ADGRB3: variants seen among roughly 807,000 people sequenced by gnomAD.
ADGRB3 encodes brain-specific angiogenesis inhibitor 3.
A neutral mutation model predicts 193.4 loss-of-function variants in ADGRB3; 37 were observed. The observed-to-expected ratio is 0.19, with a 90% CI of 0.15 to 0.25. The LOEUF is 0.25. Ranked by LOEUF, ADGRB3 falls within the 10% of genes least tolerant of loss-of-function variation. The pLI is 1.00. For missense variants in ADGRB3, 1,637 were observed against 1,852.9 expected (o/e 0.88, Z 2.14); for synonymous variants, 690 against 644.2 (o/e 1.07, Z -1.08).
intron 17 of ADGRB3, among the ~76,000 whole-genome samples, chr6:69,079,462 C>T (rs1443177322): frequency 1.3e-5 from 2 of 151,980 alleles, no homozygotes; most frequent in African/African-American, 4.8e-5. Context: ...AACCTACAGC[C>T]AATATCATAC....
In ADGRB3 at chr6:69,092,018, C is replaced by G. The variant is rs116791177; in HGVS notation, c.2480+15980C>G. On this transcript the variant is annotated intron_variant, in intron 17 of 31. Coordinates refer to ENST00000370598, the MANE Select transcript of ADGRB3 (RefSeq NM_001704.3). ...CAAATGTGGCCCCTCTTCCTGAGCC[C>G]TAGATTTCCATTTTTTAAGCTTCAT... is the stretch of plus-strand genomic sequence containing the variant. Among the ~76,000 whole-genome samples the G allele has an allele frequency of 3.3e-3, 499 of 152,266 alleles. 2 individuals carry two copies. The highest frequency in any genetic ancestry group is 0.012 in the African/African-American group (483 of 41,560).
chr6:69,389,044 C>A lies in ADGRB3; in HGVS notation c.*153C>A. 1 of 723,674 alleles carries A rather than the reference C, an allele frequency of 1.4e-6. No homozygotes were observed. The highest frequency in any genetic ancestry group is 2.2e-6 in the Non-Finnish European group (1 of 455,122). 44.8% of individuals were successfully genotyped at this position (723,674 alleles called of 1,614,324 possible). A position where few individuals can be genotyped will look rare whatever the true frequency, so the allele number is the denominator to read the frequency against. ...GTGGTGTTTTCATATGGTAACTTCT[C>A]ACTAGTCAGGCTAGTGGAGAGATGA... On this transcript the variant is annotated 3_prime_UTR_variant, in exon 32 of 32. Transcript: ENST00000370598.
chr6:69,013,961 G>A, intron 11 of ADGRB3, 77 bp from the exon 12 acceptor site: 1 of 947,932 alleles, frequency 1.1e-6, no homozygotes, highest in East Asian at 2.7e-5. Flanking sequence ...TTACCACGTA[G>A]TCAACCCAAA....
intron 10 of ADGRB3, among the ~76,000 whole-genome samples, chr6:68,989,087 A>C (rs1385106376): frequency 2.0e-5 from 3 of 152,170 alleles, no homozygotes; most frequent in Non-Finnish European, 4.4e-5. Context: ...CCAAAAGATA[A>C]ATATATCCCA....
In ADGRB3 at chr6:69,230,944, T is replaced by A. The variant is rs72913006; in HGVS notation, c.2481-2346T>A. ...ATAAAGTCAGTGAGGGGAATATAGT[T>A]CTAAAGAATGATAAGGACAGAGGTG... On this transcript the variant is annotated intron_variant, in intron 17 of 31. Coordinates refer to ENST00000370598, the MANE Select transcript of ADGRB3 (RefSeq NM_001704.3). 5.7e-3 allele frequency among the ~76,000 whole-genome samples: 874 copies of A among 152,332 alleles called. 3 individuals are homozygous for A. The highest frequency in any genetic ancestry group is 8.7e-3 in the Admixed American group (133 of 15,304).
At chr6:68,870,298 T>C (rs918089693) in intron 3 of ADGRB3, among the ~76,000 whole-genome samples, 2 of 152,224 alleles carry the variant, frequency 1.3e-5, no homozygotes, top group Non-Finnish European at 2.9e-5. Flanking sequence ...CACCAACTGG[T>C]GGCTCAGGAG....
At chr6:68,891,682 T>C (rs1766081003) in intron 3 of ADGRB3, among the ~76,000 whole-genome samples, 1 of 152,098 alleles carries the variant, frequency 6.6e-6, no homozygotes, top group Non-Finnish European at 1.5e-5. Flanking sequence ...ACAAAACACT[T>C]ATGAGTGTCT....
chr6:68,722,832 A>G (rs183818303), intron 3 of ADGRB3, among the ~76,000 whole-genome samples: 3 of 151,744 alleles, frequency 2.0e-5, no homozygotes, highest in Admixed American at 2.0e-4. Context: ...TCTATATTTA[A>G]TTATTATATA....
intron 3 of ADGRB3, among the ~76,000 whole-genome samples, chr6:68,885,712 T>C (rs1276743097): frequency 6.6e-6 from 1 of 152,122 alleles, no homozygotes; most frequent in Non-Finnish European, 1.5e-5. Context: ...AGATACAAAA[T>C]TTCAGTTAGC....
At chr6:68,855,805 G>A (rs1764972250) in intron 3 of ADGRB3, among the ~76,000 whole-genome samples, 1 of 152,134 alleles carries the variant, frequency 6.6e-6, no homozygotes, top group East Asian at 1.9e-4. Context: ...GATCGCTTGA[G>A]TCCAGGAGTT....
chr6:69,264,002 A>G (rs1404079890), intron 20 of ADGRB3, among the ~76,000 whole-genome samples: 2 of 151,974 alleles, frequency 1.3e-5, no homozygotes, highest in East Asian at 1.9e-4. Context: ...CATAATAGGT[A>G]GTTTAATTCC....
At chr6:69,056,204 C>T (rs1239243581) in intron 15 of ADGRB3, among the ~76,000 whole-genome samples, 2 of 152,036 alleles carry the variant, frequency 1.3e-5, no homozygotes, top group Non-Finnish European at 2.9e-5. Context: ...ATTTGCATTT[C>T]TCTTATGATT....
At chr6:69,040,179 G>T (rs953451842) in intron 13 of ADGRB3, among the ~76,000 whole-genome samples, 1 of 152,120 alleles carries the variant, frequency 6.6e-6, no homozygotes, top group Non-Finnish European at 1.5e-5. Context: ...AGTGACCTTT[G>T]TGTAAGGTTG....
intron 3 of ADGRB3, among the ~76,000 whole-genome samples, chr6:68,855,645 TC>T (rs545732452): frequency 1.3e-5 from 2 of 152,130 alleles, no homozygotes; most frequent in Admixed American, 1.3e-4. Context: ...ACTTTACTCT[TC>T]AAAGAACAAT....
intron 8 of ADGRB3, among the ~76,000 whole-genome samples, chr6:68,960,892 T>C (rs1768213778): frequency 6.6e-6 from 1 of 152,148 alleles, no homozygotes; most frequent in African/African-American, 2.4e-5. Context: ...GGTCTGCAAA[T>C]CATCCTTTCA....
At chr6:69,180,568 C>A (rs1176851439) in intron 17 of ADGRB3, among the ~76,000 whole-genome samples, 1 of 152,144 alleles carries the variant, frequency 6.6e-6, no homozygotes, top group African/African-American at 2.4e-5. Context: ...AGCCCTGCTC[C>A]ATCATTATCT....
intron 30 of ADGRB3, among the ~76,000 whole-genome samples, chr6:69,377,576 T>TAAA (rs1421648752): frequency 6.6e-6 from 1 of 152,036 alleles, no homozygotes; most frequent in East Asian, 1.9e-4. Context: ...TGTAGGTGTA[T>TAAA]AAAGTTCTAA....
intron 3 of ADGRB3, among the ~76,000 whole-genome samples, chr6:68,731,713 C>A (rs2127332626): frequency 6.6e-6 from 1 of 151,396 alleles, no homozygotes. Context: ...AATAATAAAT[C>A]ATATAATCTT....
At chr6:69,130,040 ACTTGGAAAAAACAGAAATGTATTC>A in intron 17 of ADGRB3, among the ~76,000 whole-genome samples, 2 of 152,238 alleles carry the variant, frequency 1.3e-5, no homozygotes, top group Middle Eastern at 6.8e-3. Flanking sequence ...AAACTGGGTA[ACTTGGAAAAAACAGAAATGTATTC>A]CTCACGGTTC....
Sources: gnomAD v4.1 joint callset for allele counts (sites outside exome capture counted in the v4.1 genomes callset) on GRCh38, gnomAD v4.1.1 for gene constraint, MANE v1.5 for transcripts, NCBI Gene and HGNC (gene_info 2026-07-23, HGNC 2026-07-21) for gene names.